Variants in EPHB1 observed in about 807,000 individuals in gnomAD.
The protein encoded by EPHB1 is EPH receptor B1.
Under a neutral mutation model 94.4 loss-of-function variants are expected in EPHB1, and 30 were observed. The observed-to-expected ratio is 0.32, with a 90% CI of 0.24 to 0.43. The LOEUF is 0.43. EPHB1 is among the 20% of genes least tolerant of loss of function. The probability of loss-of-function intolerance (pLI) is 1.00; values close to 1 mark genes in which losing one functional copy is unlikely to be tolerated. For missense variants in EPHB1, 1,055 were observed against 1,308.3 expected, an observed-to-expected ratio of 0.81 and a Z score of 2.99; for synonymous variants, 522 against 489.1, an observed-to-expected ratio of 1.07 and a Z score of -0.89.
chr3:135,159,773 T>C (rs1167921281), intron 6 of EPHB1, among the ~76,000 whole-genome samples: 4 of 152,196 alleles, frequency 2.6e-5, no homozygotes, highest in African/African-American at 9.6e-5. Context: ...CTTTCAACTG[T>C]GTGTTTGAGC....
intron 3 of EPHB1, among the ~76,000 whole-genome samples, chr3:135,012,552 C>T (rs982048713): frequency 6.6e-6 from 1 of 152,368 alleles, no homozygotes; most frequent in East Asian, 1.9e-4. Context: ...ACATAGAGAG[C>T]TTCAGAAAAA....
At chr3:135,140,998 A>T (rs1333918453) in intron 5 of EPHB1, among the ~76,000 whole-genome samples, 1 of 152,216 alleles carries the variant, frequency 6.6e-6, no homozygotes, top group African/African-American at 2.4e-5. Flanking sequence ...GCAATGCTGG[A>T]CCACAAATAT....
At chr3:135,111,741 G>A (rs182255771) in intron 4 of EPHB1, among the ~76,000 whole-genome samples, 17 of 152,168 alleles carry the variant, frequency 1.1e-4, no homozygotes, top group African/African-American at 3.4e-4. Context: ...CTGCAGTGGC[G>A]TGATCTCAGC....
intron 3 of EPHB1, chr3:134,978,167 A>AC (rs35290347): frequency 0.58 from 213,355 of 367,082 alleles, 65,878 homozygotes; most frequent in African/African-American, 0.83. Context: ...CCACTGAGTT[A>AC]CAAGTCCTAT....
intron 15 of EPHB1, among the ~76,000 whole-genome samples, chr3:135,254,766 G>C (rs1271982874): frequency 6.6e-6 from 1 of 151,920 alleles, no homozygotes; most frequent in Non-Finnish European, 1.5e-5. Flanking sequence ...TTTTTCTATT[G>C]ATTGGAATAG....
intron 1 of EPHB1, among the ~76,000 whole-genome samples, chr3:134,898,811 C>T (rs1036243029): frequency 2.6e-5 from 4 of 152,116 alleles, no homozygotes; most frequent in Non-Finnish European, 5.9e-5. Context: ...GCTTTCAGGC[C>T]TTGGGAAGCA....
chr3:134,881,667 G>T (rs745781613), intron 1 of EPHB1, among the ~76,000 whole-genome samples: 5 of 152,146 alleles, frequency 3.3e-5, no homozygotes, highest in African/African-American at 1.2e-4. Flanking sequence ...GGTGCTAATC[G>T]GTTTATGGCC....
chr3:134,981,306 T>C (rs1168115278), intron 3 of EPHB1, among the ~76,000 whole-genome samples: 1 of 152,206 alleles, frequency 6.6e-6, no homozygotes, highest in Non-Finnish European at 1.5e-5. Context: ...CAACTCTTAA[T>C]GCCTTAAAAC....
At chr3:134,895,609 C>G (rs879022056) in intron 1 of EPHB1, among the ~76,000 whole-genome samples, 1 of 152,182 alleles carries the variant, frequency 6.6e-6, no homozygotes, top group Admixed American at 6.5e-5. Context: ...TGAAAACATG[C>G]ACTTTTCCAG....
At chr3:135,107,234 T>C (rs912218899) in intron 4 of EPHB1, among the ~76,000 whole-genome samples, 3 of 152,202 alleles carry the variant, frequency 2.0e-5, no homozygotes, top group Non-Finnish European at 4.4e-5. Context: ...AGCTAATGCA[T>C]TGGCTACATC....
chr3:134,970,934 A>G (rs1394081769), intron 3 of EPHB1, among the ~76,000 whole-genome samples: 1 of 152,230 alleles, frequency 6.6e-6, no homozygotes, highest in African/African-American at 2.4e-5. Flanking sequence ...CTTGAAATAT[A>G]AGCTTTATCC....
At chr3:134,852,852 T>A (rs2037021718) in intron 1 of EPHB1, among the ~76,000 whole-genome samples, 1 of 152,030 alleles carries the variant, frequency 6.6e-6, no homozygotes, top group Non-Finnish European at 1.5e-5. Context: ...GAGGTATAAG[T>A]GGAGGAGTGC....
chr3:134,968,238 C>T (rs1933837569), intron 3 of EPHB1, among the ~76,000 whole-genome samples: 1 of 151,594 alleles, frequency 6.6e-6, no homozygotes, highest in Admixed American at 6.6e-5. Context: ...TAGAGCTGAG[C>T]AAAAGTCTTG....
At chr3:134,980,583 C>T (rs538344571) in intron 3 of EPHB1, among the ~76,000 whole-genome samples, 11 of 152,172 alleles carry the variant, frequency 7.2e-5, no homozygotes, top group Non-Finnish European at 1.6e-4. Flanking sequence ...GCAAGATAAT[C>T]TCTAGAGATC....
At chr3:134,891,473 A>G (rs1239033227) in intron 1 of EPHB1, among the ~76,000 whole-genome samples, 1 of 152,172 alleles carries the variant, frequency 6.6e-6, no homozygotes, top group African/African-American at 2.4e-5. Context: ...TTTGAAGAAG[A>G]TATATTTCAC....
chr3:135,121,235 C>A (rs1939949059), intron 4 of EPHB1, among the ~76,000 whole-genome samples: 1 of 152,196 alleles, frequency 6.6e-6, no homozygotes, highest in African/African-American at 2.4e-5. Flanking sequence ...GCCTGATGGA[C>A]TTTGGCCCAG....
chr3:135,094,630 G>T (rs760650591), intron 3 of EPHB1, among the ~76,000 whole-genome samples: 4 of 152,212 alleles, frequency 2.6e-5, no homozygotes, highest in Non-Finnish European at 4.4e-5. Flanking sequence ...TTCCCCCTGT[G>T]TAAGGAAGTA....
At chr3:135,014,024 G>A (rs1341596013) in intron 3 of EPHB1, among the ~76,000 whole-genome samples, 1 of 152,090 alleles carries the variant, frequency 6.6e-6, no homozygotes, top group African/African-American at 2.4e-5. Context: ...GGATTCTTGG[G>A]GTGGGAAAGG....
chr3:134,855,347 G>A (rs1338361576), intron 1 of EPHB1, among the ~76,000 whole-genome samples: 2 of 152,206 alleles, frequency 1.3e-5, no homozygotes, highest in Non-Finnish European at 2.9e-5. Flanking sequence ...GGACTGGGGT[G>A]ATGGAACTGC....
Sources: allele counts gnomAD v4.1 joint callset (sites outside exome capture counted in the v4.1 genomes callset), GRCh38; gene constraint gnomAD v4.1.1; transcripts MANE v1.5; gene names NCBI Gene and HGNC (gene_info 2026-07-23, HGNC 2026-07-21).